The following SLC22A3 variants were observed in gnomAD, a reference collection of about 807,000 sequenced individuals.
SLC22A3 encodes the protein solute carrier family 22 member 3.
SLC22A3 carries 51 observed loss-of-function variants against 59.1 expected under a neutral mutation model. The observed-to-expected ratio is 0.86, with a 90% CI of 0.69 to 1.09. SLC22A3 has a LOEUF of 1.09. Ranked by LOEUF, SLC22A3 falls within the 50% of genes least tolerant of loss-of-function variation. SLC22A3 has a pLI of 0.00. For synonymous variants in SLC22A3, 325 were observed against 292.0 expected (o/e 1.11, Z -1.15); for missense variants, 711 against 726.3 (o/e 0.98, Z 0.24).
intron 1 of SLC22A3, among the ~76,000 whole-genome samples, chr6:160,364,378 G>A (rs748823833): frequency 1.3e-5 from 2 of 152,216 alleles, no homozygotes; most frequent in Non-Finnish European, 2.9e-5. Flanking sequence ...GCAGAGCCAG[G>A]AGGTGTGAAG....
chr6:160,426,472 T>A, intron 5 of SLC22A3: 1 of 517,608 alleles, frequency 1.9e-6, no homozygotes, highest in Non-Finnish European at 2.5e-6. Flanking sequence ...CACTCTTCCC[T>A]CGGCAGGTTC....
chr6:160,438,685 T>TTTCTCTTG (rs1406958714), intron 7 of SLC22A3, among the ~76,000 whole-genome samples: 2 of 152,144 alleles, frequency 1.3e-5, no homozygotes, highest in Admixed American at 1.3e-4. Flanking sequence ...CCTATTTACA[T>TTTCTCTTG]TTCTCTTGTT....
At chr6:160,381,848 G>A (rs1407430080) in intron 1 of SLC22A3, among the ~76,000 whole-genome samples, 1 of 152,190 alleles carries the variant, frequency 6.6e-6, no homozygotes, top group East Asian at 1.9e-4. Context: ...ATCACATGTG[G>A]TGACAATAAC....
At chr6:160,386,098 G>C (rs902816601) in intron 1 of SLC22A3, among the ~76,000 whole-genome samples, 1 of 152,240 alleles carries the variant, frequency 6.6e-6, no homozygotes, top group East Asian at 1.9e-4. Flanking sequence ...CTGCAGAGCA[G>C]GGTGCACCTT....
chr6:160,393,863 A>G (rs964809046), intron 1 of SLC22A3, among the ~76,000 whole-genome samples: 3 of 152,244 alleles, frequency 2.0e-5, no homozygotes, highest in Non-Finnish European at 4.4e-5. Context: ...TTGGATTTTA[A>G]CAAAGAAGAA....
rs8187720 is a variant in SLC22A3, at chr6:160,410,858, C to T, written c.975+12C>T. 15,852 of 1,477,010 alleles carry T rather than the reference C, an allele frequency of 0.011. 768 individuals carry two copies. In the African/African-American group the frequency reaches 0.14, roughly 13 times the overall value. The allele number at this position is 1,477,010 out of a possible 1,614,324, so 91.5% of individuals were successfully genotyped here. A position where few individuals can be genotyped will look rare whatever the true frequency, so the allele number is the denominator to read the frequency against. On this transcript the variant is annotated intron_variant, in intron 5 of 10. Coordinates refer to ENST00000275300, the MANE Select transcript of SLC22A3 (RefSeq NM_021977.4). ...CAAATTACTCAGAGGTAATTTCTTT[C>T]AGTATGAGTAACAAATATTGCTAAA...
chr6:160,436,705 T>G, intron 5 of SLC22A3, 75 bp from the exon 6 acceptor site: 1 of 904,536 alleles, frequency 1.1e-6, no homozygotes, highest in South Asian at 1.5e-5. Context: ...TTGATTCTGG[T>G]TAATGACAAG....
At chr6:160,444,930 G>C (rs1788685821) in intron 9 of SLC22A3, among the ~76,000 whole-genome samples, 1 of 152,142 alleles carries the variant, frequency 6.6e-6, no homozygotes, top group South Asian at 2.1e-4. Context: ...TTATTGTATG[G>C]GATTTGGTCA....
chr6:160,381,256 C>A (rs376665337), intron 1 of SLC22A3, among the ~76,000 whole-genome samples: 1 of 152,110 alleles, frequency 6.6e-6, no homozygotes, highest in Non-Finnish European at 1.5e-5. Flanking sequence ...AAAGACAGTG[C>A]CTGAAGGTCT....
chr6:160,449,239 G>A (rs1316772461), intron 10 of SLC22A3, among the ~76,000 whole-genome samples: 3 of 152,096 alleles, frequency 2.0e-5, no homozygotes, highest in African/African-American at 7.2e-5. Flanking sequence ...TTTGTTTTTG[G>A]CTTGGGGAGT....
At chr6:160,373,856 C>T (rs2114779432) in intron 1 of SLC22A3, among the ~76,000 whole-genome samples, 1 of 152,256 alleles carries the variant, frequency 6.6e-6, no homozygotes, top group Middle Eastern at 3.4e-3. Flanking sequence ...GACACCCCTC[C>T]CCCACCAAGC....
chr6:160,355,031 G>T (rs1784782910), intron 1 of SLC22A3, among the ~76,000 whole-genome samples: 1 of 152,210 alleles, frequency 6.6e-6, no homozygotes, highest in Admixed American at 6.5e-5. Flanking sequence ...TGCGTTCCTG[G>T]AGGCATGCGA....
intron 5 of SLC22A3, among the ~76,000 whole-genome samples, chr6:160,414,400 T>C (rs900611724): frequency 9.9e-5 from 15 of 152,228 alleles, no homozygotes; most frequent in African/African-American, 2.9e-4. Flanking sequence ...CATTTTTTCT[T>C]TTCCAAATAA....
Position 160,431,844 on chromosome 6 carries a change from A to G in SLC22A3, c.976-4936A>G, listed in dbSNP as rs75055815. ...AACAAGTAACAGAAAACCAACTTAA[A>G]TAGGTTTGGACAATAAGGACATTCA... On this transcript the variant is annotated intron_variant, in intron 5 of 10. Coordinates refer to ENST00000275300, the MANE Select transcript of SLC22A3 (RefSeq NM_021977.4). Among the ~76,000 whole-genome samples, 91 of 152,316 alleles carry G rather than the reference A, an allele frequency of 6.0e-4. 2 individuals carry two copies. The East Asian group carries it at 0.014, about 23-fold the overall frequency.
In SLC22A3 at chr6:160,348,849, G is replaced by A; in HGVS notation, c.429+1G>A. 3 of 1,581,778 alleles carry A rather than the reference G, an allele frequency of 1.9e-6. No individual in the cohort carries two copies. The highest frequency in any genetic ancestry group is 2.6e-6 in the Non-Finnish European group (3 of 1,172,308). On this transcript the variant is annotated splice_donor_variant, in intron 1 of 10. Transcript: ENST00000275300. LOFTEE classifies it high-confidence loss of function. ...GGCCCACTCCACCATCGTCAGCGAGGTAAGGGCGCCCCGGCCCTTTGGAAG... is the reference window on the plus strand; with the variant it reads ...GGCCCACTCCACCATCGTCAGCGAGATAAGGGCGCCCCGGCCCTTTGGAAG...
At chr6:160,410,664 A>G in intron 4 of SLC22A3, 65 bp from the exon 5 acceptor site, 1 of 995,346 alleles carries the variant, frequency 1.0e-6, no homozygotes. Context: ...AGAAAAACTC[A>G]AGGCAATAGA....
At chr6:160,387,137 C>T (rs532333661) in intron 1 of SLC22A3, among the ~76,000 whole-genome samples, 9 of 152,308 alleles carry the variant, frequency 5.9e-5, no homozygotes, top group East Asian at 1.9e-4. Flanking sequence ...GGCAACTGCC[C>T]GAGCACCCAC....
At chr6:160,389,860 C>T (rs917764685) in intron 1 of SLC22A3, among the ~76,000 whole-genome samples, 4 of 152,190 alleles carry the variant, frequency 2.6e-5, no homozygotes, top group Non-Finnish European at 4.4e-5. Flanking sequence ...TGTGTTGAAC[C>T]TGGTCAGCAC....
At chr6:160,398,918 G>A (rs181546574) in intron 2 of SLC22A3, among the ~76,000 whole-genome samples, 8 of 152,192 alleles carry the variant, frequency 5.3e-5, no homozygotes, top group East Asian at 1.9e-4. Flanking sequence ...CTGGTTAATC[G>A]AGCCCAGCCC....
Sources: allele counts gnomAD v4.1 joint callset (sites outside exome capture counted in the v4.1 genomes callset), GRCh38; gene constraint gnomAD v4.1.1; transcripts MANE v1.5; gene names NCBI Gene and HGNC (gene_info 2026-07-23, HGNC 2026-07-21).